The following ARHGAP15 variants were observed in gnomAD, a reference collection of about 807,000 sequenced individuals.
The protein encoded by ARHGAP15 is Rho GTPase activating protein 15.
ARHGAP15 carries 51 observed loss-of-function variants against 63.7 expected under a neutral mutation model. The observed-to-expected ratio is 0.80, with a 90% CI of 0.64 to 1.01. The LOEUF is 1.01. ARHGAP15 is among the 50% of genes least tolerant of loss of function. The probability of loss-of-function intolerance (pLI) is 0.00; values close to 1 mark genes in which losing one functional copy is unlikely to be tolerated. For synonymous variants in ARHGAP15, 191 were observed against 193.8 expected (o/e 0.99, Z 0.12); for missense variants, 560 against 564.6 (o/e 0.99, Z 0.08).
intron 10 of ARHGAP15, among the ~76,000 whole-genome samples, chr2:143,545,683 TTAA>T (rs769115733): frequency 2.6e-5 from 4 of 152,088 alleles, no homozygotes; most frequent in Non-Finnish European, 5.9e-5. Flanking sequence ...AATATTTTCA[TTAA>T]TAATGTGTTA....
chr2:143,347,167 A>G (rs886871236), intron 6 of ARHGAP15, among the ~76,000 whole-genome samples: 1 of 152,164 alleles, frequency 6.6e-6, no homozygotes, highest in African/African-American at 2.4e-5. Context: ...GCTAATTTCC[A>G]TAATTATGCA....
chr2:143,180,830 C>T (rs909104514), intron 2 of ARHGAP15, among the ~76,000 whole-genome samples: 19 of 152,120 alleles, frequency 1.2e-4, no homozygotes, highest in Admixed American at 8.5e-4. Flanking sequence ...CCCACCAACA[C>T]GCCAGGCTAA....
chr2:143,320,420 C>G (rs1236912434), intron 6 of ARHGAP15, among the ~76,000 whole-genome samples: 2 of 109,426 alleles, frequency 1.8e-5, no homozygotes, highest in Non-Finnish European at 3.8e-5. Context: ...CCCCCCCCCC[C>G]CCAGAGATCC....
chr2:143,294,003 T>A (rs1462892533), intron 6 of ARHGAP15, among the ~76,000 whole-genome samples: 2 of 152,066 alleles, frequency 1.3e-5, no homozygotes, highest in Non-Finnish European at 2.9e-5. Flanking sequence ...AATGGTAAAT[T>A]AGTCTTAGTC....
chr2:143,518,581 C>G (rs67995747), intron 9 of ARHGAP15, among the ~76,000 whole-genome samples: 36,255 of 152,126 alleles, frequency 0.24, 4,399 homozygotes, highest in East Asian at 0.36. Context: ...GATGTGAAAC[C>G]ATTTTGTTCG....
chr2:143,335,511 G>A (rs1385329750), intron 6 of ARHGAP15, among the ~76,000 whole-genome samples: 2 of 152,126 alleles, frequency 1.3e-5, no homozygotes, highest in African/African-American at 4.8e-5. Context: ...TATGGCACAC[G>A]CTTTGGGGAA....
chr2:143,401,775 T>G (rs1432934821), intron 6 of ARHGAP15, among the ~76,000 whole-genome samples: 1 of 152,032 alleles, frequency 6.6e-6, no homozygotes, highest in African/African-American at 2.4e-5. Context: ...ACAATATGTA[T>G]GAAATGAGCT....
At chr2:143,339,020 T>C (rs1199116698) in intron 6 of ARHGAP15, among the ~76,000 whole-genome samples, 1 of 152,050 alleles carries the variant, frequency 6.6e-6, no homozygotes, top group Non-Finnish European at 1.5e-5. Context: ...AGGTAATGTG[T>C]TCTTTGTTGG....
chr2:143,595,381 A>G (rs564635551), intron 11 of ARHGAP15, among the ~76,000 whole-genome samples: 3 of 152,216 alleles, frequency 2.0e-5, no homozygotes, highest in East Asian at 3.9e-4. Context: ...CTAAATAAGT[A>G]TCATTCTCAT....
chr2:143,481,207 G>C (rs751778833), intron 8 of ARHGAP15, among the ~76,000 whole-genome samples: 2 of 151,926 alleles, frequency 1.3e-5, no homozygotes, highest in Non-Finnish European at 2.9e-5. Context: ...TTTTGGAATT[G>C]AATTGAAATG....
intron 5 of ARHGAP15, among the ~76,000 whole-genome samples, chr2:143,229,902 T>A (rs545371979): frequency 1.3e-5 from 2 of 152,366 alleles, no homozygotes; most frequent in African/African-American, 4.8e-5. Flanking sequence ...GTCTCAGTGC[T>A]GTCCGATCTG....
At chr2:143,659,529 G>C (rs1380944596) in intron 12 of ARHGAP15, among the ~76,000 whole-genome samples, 1 of 152,188 alleles carries the variant, frequency 6.6e-6, no homozygotes, top group Non-Finnish European at 1.5e-5. Flanking sequence ...GGGTCAGCCA[G>C]TCTGATAGCT....
intron 5 of ARHGAP15, 37 bp from the exon 6 acceptor site, chr2:143,250,474 G>A (rs1340694641): frequency 1.3e-6 from 2 of 1,492,668 alleles, no homozygotes; most frequent in Admixed American, 1.7e-5. Flanking sequence ...CTACAGTGTT[G>A]CATCCTCTTA....
At chr2:143,224,425 T>C (rs1209825449) in intron 4 of ARHGAP15, among the ~76,000 whole-genome samples, 2 of 152,130 alleles carry the variant, frequency 1.3e-5, no homozygotes, top group African/African-American at 2.4e-5. Context: ...ACCTACTAAA[T>C]GTCAAACAGT....
chr2:143,443,152 C>G (rs748597112), intron 8 of ARHGAP15, among the ~76,000 whole-genome samples: 1 of 152,116 alleles, frequency 6.6e-6, no homozygotes, highest in Admixed American at 6.6e-5. Flanking sequence ...GTTCTGGAGG[C>G]TCATATAAAT....
At chr2:143,639,711 T>C (rs977480744) in intron 12 of ARHGAP15, among the ~76,000 whole-genome samples, 1 of 152,106 alleles carries the variant, frequency 6.6e-6, no homozygotes, top group Admixed American at 6.6e-5. Flanking sequence ...AAGGTGAAAC[T>C]GCAGCAAAGT....
intron 2 of ARHGAP15, among the ~76,000 whole-genome samples, chr2:143,201,584 T>A (rs1039036378): frequency 6.6e-6 from 1 of 152,116 alleles, no homozygotes; most frequent in East Asian, 1.9e-4. Flanking sequence ...TACCAGAGCC[T>A]GGGAAGGATA....
intron 11 of ARHGAP15, chr2:143,608,401 TG>T (rs1698121216): frequency 6.6e-6 from 1 of 152,238 alleles, no homozygotes; most frequent in Admixed American, 6.5e-5. Context: ...CTAGAAATAT[TG>T]TCAGTAAGCA....
chr2:143,350,756 G>A (rs1476654893), intron 6 of ARHGAP15, among the ~76,000 whole-genome samples: 1 of 144,182 alleles, frequency 6.9e-6, no homozygotes, highest in Non-Finnish European at 1.5e-5. Context: ...GGAGAATGGC[G>A]TGAACCCAGG....
Sources: allele counts gnomAD v4.1 joint callset (sites outside exome capture counted in the v4.1 genomes callset), GRCh38; gene constraint gnomAD v4.1.1; transcripts MANE v1.5; gene names NCBI Gene and HGNC (gene_info 2026-07-23, HGNC 2026-07-21).